MRTFA: variants seen among roughly 807,000 people sequenced by gnomAD.
MRTFA encodes myocardin-related transcription factor A.
MRTFA carries 20 observed loss-of-function variants against 83.5 expected under a neutral mutation model. The ratio of observed to expected loss-of-function variants is 0.24; its 90% CI spans 0.17 to 0.35. The LOEUF is 0.35. Ranked by LOEUF, MRTFA falls within the 10% of genes least tolerant of loss-of-function variation. The pLI, the probability that MRTFA is intolerant of heterozygous loss-of-function variation, is 1.00. For synonymous variants in MRTFA, 659 were observed against 541.2 expected (o/e 1.22, Z -3.02); for missense variants, 1,200 against 1,224.7 (o/e 0.98, Z 0.30).
chr22:40,615,680 T>A (rs913933968), intron 1 of MRTFA, among the ~76,000 whole-genome samples: 2 of 140,792 alleles, frequency 1.4e-5, no homozygotes, highest in Admixed American at 1.4e-4. Flanking sequence ...TCCTATATTT[T>A]CTTTTCTTTT....
At chr22:40,636,240 G>T (rs1238329087) in intron 1 of MRTFA, among the ~76,000 whole-genome samples, 1 of 152,136 alleles carries the variant, frequency 6.6e-6, no homozygotes, top group Non-Finnish European at 1.5e-5. Flanking sequence ...ACAGGTGCAC[G>T]ACCGCGCCCG....
intron 3 of MRTFA, among the ~76,000 whole-genome samples, chr22:40,538,602 A>G (rs1178034354): frequency 6.6e-6 from 1 of 152,202 alleles, no homozygotes; most frequent in South Asian, 2.1e-4. Context: ...ACAAGAAGCA[A>G]TGTAATCTTT....
intron 1 of MRTFA, among the ~76,000 whole-genome samples, chr22:40,604,196 T>C (rs1254453254): frequency 6.6e-6 from 1 of 150,910 alleles, no homozygotes; most frequent in Non-Finnish European, 1.5e-5. Flanking sequence ...AGTGGCACCA[T>C]CTCGGCTCAC....
intron 4 of MRTFA, among the ~76,000 whole-genome samples, chr22:40,443,275 CA>C (rs934336782): frequency 4.0e-5 from 6 of 151,574 alleles, no homozygotes; most frequent in Admixed American, 2.0e-4. Context: ...CAAAAACAAA[CA>C]AAAAAAACTT....
chr22:40,596,309 T>C (rs145854350), intron 1 of MRTFA, among the ~76,000 whole-genome samples: 108 of 152,230 alleles, frequency 7.1e-4, no homozygotes, highest in African/African-American at 2.6e-3. Context: ...GTTTGACTGT[T>C]ATCAAAAAAG....
chr22:40,461,106 G>A (rs2053702499), intron 4 of MRTFA, among the ~76,000 whole-genome samples: 1 of 151,128 alleles, frequency 6.6e-6, no homozygotes, highest in Non-Finnish European at 1.5e-5. Flanking sequence ...GGAGGCTGAG[G>A]TGGGAAGATC....
intron 1 of MRTFA, among the ~76,000 whole-genome samples, chr22:40,604,146 T>C (rs2056291469): frequency 6.6e-6 from 1 of 151,200 alleles, no homozygotes; most frequent in Non-Finnish European, 1.5e-5. Flanking sequence ...TTTTTTTCTT[T>C]TTGAGACAGA....
chr22:40,549,767 G>C (rs2055417336), intron 3 of MRTFA, among the ~76,000 whole-genome samples: 1 of 152,124 alleles, frequency 6.6e-6, no homozygotes, highest in African/African-American at 2.4e-5. Context: ...AAATTAGATT[G>C]AGGGCTAGGT....
At chr22:40,483,206 G>A (rs77765808) in intron 3 of MRTFA, among the ~76,000 whole-genome samples, 3,017 of 151,986 alleles carry the variant, frequency 0.02, 97 homozygotes, top group African/African-American at 0.068. Flanking sequence ...GACTGCAGGC[G>A]CTCTCCACCA....
chr22:40,595,736 G>A (rs559195766), intron 1 of MRTFA, among the ~76,000 whole-genome samples: 8 of 152,190 alleles, frequency 5.3e-5, no homozygotes, highest in South Asian at 2.1e-4. Flanking sequence ...AAGGCTTTAC[G>A]TAAGAGATGC....
At chr22:40,419,513 TGGA>T in intron 11 of MRTFA, 129 bp from the exon 12 acceptor site, 1 of 793,250 alleles carries the variant, frequency 1.3e-6, no homozygotes, top group African/African-American at 1.7e-5. Flanking sequence ...TCCAGCAGCC[TGGA>T]GGGTGCAATG....
At chr22:40,465,726 A>G (rs1385244372) in intron 3 of MRTFA, among the ~76,000 whole-genome samples, 2 of 149,468 alleles carry the variant, frequency 1.3e-5, no homozygotes, top group African/African-American at 4.9e-5. Flanking sequence ...ATGCCCGGTA[A>G]TTTTTTAATT....
At chr22:40,463,880 G>A (rs1045401244) in intron 3 of MRTFA, among the ~76,000 whole-genome samples, 6 of 152,122 alleles carry the variant, frequency 3.9e-5, no homozygotes, top group African/African-American at 1.4e-4. Flanking sequence ...CTGTTGAGGT[G>A]AAACAATTCA....
Position 40,636,648 on chromosome 22 carries a change from T to G in MRTFA, c.-254A>C, listed in dbSNP as rs1378531952. 1 of 152,304 alleles carries G rather than the reference T, an allele frequency of 6.6e-6. No homozygotes were observed. Among genetic ancestry groups the G allele is most frequent in the Non-Finnish European group, 1.5e-5 (1 of 68,140 alleles). 9.4% of individuals were successfully genotyped at this position (152,304 alleles called of 1,614,324 possible). On this transcript the variant is annotated 5_prime_UTR_variant, in exon 1 of 15. Coordinates refer to ENST00000355630, the MANE Select transcript of MRTFA (RefSeq NM_020831.6). ...CAAGAGGGTGGGAAAGATGGGACCG[T>G]CGCTCTCGCCGCCGCGGCCACCACA...
At chr22:40,500,261 TAAAGTA>T (rs934660263) in intron 3 of MRTFA, among the ~76,000 whole-genome samples, 8 of 151,234 alleles carry the variant, frequency 5.3e-5, no homozygotes, top group African/African-American at 1.9e-4. Context: ...TATGCTTCAT[TAAAGTA>T]AAAGTCTATG....
intron 3 of MRTFA, among the ~76,000 whole-genome samples, chr22:40,479,270 C>T (rs552481888): frequency 2.6e-5 from 4 of 152,226 alleles, no homozygotes; most frequent in South Asian, 2.1e-4. Flanking sequence ...GGGGAGAATG[C>T]ATTTGCATAA....
chr22:40,500,315 T>G (rs2054438937), intron 3 of MRTFA, among the ~76,000 whole-genome samples: 1 of 137,110 alleles, frequency 7.3e-6, no homozygotes, highest in African/African-American at 2.7e-5. Context: ...TCATATTGCT[T>G]TCTTTTTTTT....
intron 3 of MRTFA, among the ~76,000 whole-genome samples, chr22:40,499,085 G>C (rs1416284846): frequency 1.3e-5 from 2 of 152,058 alleles, no homozygotes; most frequent in Non-Finnish European, 2.9e-5. Flanking sequence ...TAGAAAAAAA[G>C]GGAAAGAAAG....
chr22:40,548,141 T>C (rs973824272), intron 3 of MRTFA, among the ~76,000 whole-genome samples: 1 of 151,688 alleles, frequency 6.6e-6, no homozygotes, highest in Non-Finnish European at 1.5e-5. Context: ...AGGGGATCAC[T>C]TGAAGTCAGG....
Sources: allele counts gnomAD v4.1 joint callset (sites outside exome capture counted in the v4.1 genomes callset), GRCh38; gene constraint gnomAD v4.1.1; transcripts MANE v1.5; gene names NCBI Gene and HGNC (gene_info 2026-07-23, HGNC 2026-07-21).